Variants in GNAI1 observed in about 807,000 individuals in gnomAD.
The protein encoded by GNAI1 is guanine nucleotide-binding protein G(i) subunit alpha-1.
In GNAI1, 11 loss-of-function variants were observed where a neutral mutation model predicts 38.9. That is an observed-to-expected ratio of 0.28 (90% confidence interval 0.18 to 0.47). The LOEUF is 0.47. Ranked by LOEUF, GNAI1 falls within the 20% of genes least tolerant of loss-of-function variation. The probability of loss-of-function intolerance (pLI) is 0.99; values close to 1 mark genes in which losing one functional copy is unlikely to be tolerated. For synonymous variants in GNAI1, 166 were observed against 145.1 expected (o/e 1.14, Z -1.04); for missense variants, 317 against 436.9 (o/e 0.73, Z 2.45).
At chr7:80,173,670 A>T (rs960858385) in intron 1 of GNAI1, among the ~76,000 whole-genome samples, 1 of 152,110 alleles carries the variant, frequency 6.6e-6, no homozygotes, top group African/African-American at 2.4e-5. Flanking sequence ...CATAGATGTG[A>T]TGTTCTGTGC....
intron 7 of GNAI1, 59 bp from the exon 8 acceptor site, chr7:80,217,244 T>TTTCATATGTATGAAAATGA: frequency 2.7e-6 from 3 of 1,093,794 alleles, no homozygotes; most frequent in Non-Finnish European, 3.9e-6. Context: ...CTGAATTCAG[T>TTTCATATGTATGAAAATGA]ATTTTAAGCA....
At chr7:80,143,624 G>C (rs1177455534) in intron 1 of GNAI1, among the ~76,000 whole-genome samples, 2 of 152,066 alleles carry the variant, frequency 1.3e-5, no homozygotes, top group Non-Finnish European at 2.9e-5. Flanking sequence ...GGTGGTAAAA[G>C]TTTTCCCATG....
intron 1 of GNAI1, among the ~76,000 whole-genome samples, chr7:80,162,664 C>T (rs1263589400): frequency 1.3e-5 from 2 of 152,118 alleles, no homozygotes; most frequent in African/African-American, 2.4e-5. Flanking sequence ...AGAAACCCTC[C>T]TTGGGTTGAA....
chr7:80,144,810 T>C (rs1374541530), intron 1 of GNAI1, among the ~76,000 whole-genome samples: 1 of 152,242 alleles, frequency 6.6e-6, no homozygotes, highest in Non-Finnish European at 1.5e-5. Context: ...TTCCAAGAAT[T>C]ACATTTATTT....
At chr7:80,200,779 C>G (rs183270451) in intron 4 of GNAI1, among the ~76,000 whole-genome samples, 1 of 144,252 alleles carries the variant, frequency 6.9e-6, no homozygotes, top group Non-Finnish European at 1.5e-5. Context: ...CTTGTATTAA[C>G]CATATGTATT....
intron 1 of GNAI1, among the ~76,000 whole-genome samples, chr7:80,175,695 A>T (rs1480974769): frequency 6.6e-6 from 1 of 151,856 alleles, no homozygotes; most frequent in Admixed American, 6.6e-5. Context: ...TTCAGATGTG[A>T]TCTGGGATCA....
rs915974862 is a variant in GNAI1, at chr7:80,223,039, T to C, written c.*5546T>C. On this transcript the variant is annotated 3_prime_UTR_variant, in exon 8 of 8. Coordinates refer to ENST00000649796, the MANE Select transcript of GNAI1 (RefSeq NM_002069.6). ...CATGTAATTTTCTTGGATACTGTAC[T>C]GAAAATGAAAAACAGATTGATTGCA... is the stretch of plus-strand genomic sequence containing the variant. Among the ~76,000 whole-genome samples the C allele has an allele frequency of 6.6e-6, 1 of 152,222 alleles. No homozygotes were observed. Among genetic ancestry groups the C allele is most frequent in the African/African-American group, 2.4e-5 (1 of 41,466 alleles).
intron 1 of GNAI1, among the ~76,000 whole-genome samples, chr7:80,142,641 G>A (rs557479265): frequency 6.6e-6 from 1 of 152,222 alleles, no homozygotes; most frequent in South Asian, 2.1e-4. Flanking sequence ...ATAAATTGTT[G>A]AACATTAATT....
Position 80,152,215 on chromosome 7 carries a change from C to A in GNAI1, c.118+16937C>A, listed in dbSNP as rs189605270. 9.9e-5 allele frequency among the ~76,000 whole-genome samples: 15 copies of A among 152,268 alleles called. No homozygotes were observed. In the East Asian group the frequency reaches 2.7e-3, roughly 27 times the overall value. ...TCTCCTTCTATACTGCCTCTCAGTC[C>A]TCTGTTATGCTTCTTTCCTTATGTT... On this transcript the variant is annotated intron_variant, in intron 1 of 7. Transcript: ENST00000649796.
intron 1 of GNAI1, among the ~76,000 whole-genome samples, chr7:80,141,706 T>C (rs187069893): frequency 7.9e-5 from 12 of 152,280 alleles, no homozygotes; most frequent in African/African-American, 2.9e-4. Flanking sequence ...TTCATATTCT[T>C]TTACTTCACC....
rs528727343 is a variant in GNAI1, at chr7:80,225,587, T to G, written c.*8094T>G. ...GCTTCTGAACTTATTTTGGAAAGAG[T>G]AGCTCCCTGGAGTGTGGAGGAGGAC... On this transcript the variant is annotated 3_prime_UTR_variant, in exon 8 of 8. Transcript: ENST00000649796. Among the ~76,000 whole-genome samples, 2 of 152,144 alleles carry G rather than the reference T, an allele frequency of 1.3e-5. No individual in the cohort carries two copies. Among genetic ancestry groups the G allele is most frequent in the Admixed American group, 1.3e-4 (2 of 15,282 alleles).
intron 1 of GNAI1, chr7:80,136,100 A>G (rs1461968577): frequency 2.6e-5 from 24 of 936,948 alleles, no homozygotes; most frequent in Non-Finnish European, 2.9e-5. Context: ...ATTTGTTCTT[A>G]GCACTGTTCT....
intron 1 of GNAI1, among the ~76,000 whole-genome samples, chr7:80,184,701 T>C (rs1788360076): frequency 6.6e-6 from 1 of 152,162 alleles, no homozygotes; most frequent in Non-Finnish European, 1.5e-5. Flanking sequence ...TAGAGAAACA[T>C]TTAACAACCT....
Position 80,189,169 on chromosome 7 carries a change from A to G in GNAI1, c.241A>G (p.Ile81Val), listed in dbSNP as rs1487731728. 3.1e-6 allele frequency: 5 copies of G among 1,606,810 alleles called. No homozygotes were observed. The highest frequency in any genetic ancestry group is 2.2e-5 in the East Asian group (1 of 44,826). ...GGTCTACAGTAACACCATCCAGTCAATTATTGCTATCATTAGGGCTATGGG... is the reference window on the plus strand; with the variant it reads ...GGTCTACAGTAACACCATCCAGTCAGTTATTGCTATCATTAGGGCTATGGG... ...AVVYSNTIQS[I>V]IAIIRAMGRL... Residue 81 changes from isoleucine (I) to valine (V), a missense_variant, in exon 3 of 8, where the codon ATT (isoleucine) becomes GTT (valine). Physicochemically the swap from Ile to Val is conservative, Grantham distance 29. This residue lies in a region of GNAI1 where 67 missense variants were observed against 61.5 expected (regional missense o/e 1.09). Coordinates refer to ENST00000649796, the MANE Select transcript of GNAI1 (RefSeq NM_002069.6).
intron 4 of GNAI1, among the ~76,000 whole-genome samples, chr7:80,200,134 A>T (rs540148821): frequency 6.6e-6 from 1 of 151,618 alleles, no homozygotes; most frequent in South Asian, 2.1e-4. Context: ...TGGGTAACTT[A>T]ACGAGACCTC....
At chr7:80,186,216 A>G (rs1250910939) in intron 1 of GNAI1, among the ~76,000 whole-genome samples, 2 of 151,972 alleles carry the variant, frequency 1.3e-5, no homozygotes, top group African/African-American at 4.8e-5. Flanking sequence ...TATTTTTAGT[A>G]GAGACAGGAT....
chr7:80,177,686 C>G (rs1788213243), intron 1 of GNAI1, among the ~76,000 whole-genome samples: 1 of 152,102 alleles, frequency 6.6e-6, no homozygotes, highest in South Asian at 2.1e-4. Flanking sequence ...GTAATGTTGT[C>G]CAGATTGGTC....
At chr7:80,137,344 G>A (rs145296277) in intron 1 of GNAI1, among the ~76,000 whole-genome samples, 1,097 of 73,768 alleles carry the variant, frequency 0.015, 27 homozygotes, top group African/African-American at 0.06. Flanking sequence ...TTTTTGAGAC[G>A]GAGTCTTGCG....
At chr7:80,146,699 A>G (rs1246558122) in intron 1 of GNAI1, among the ~76,000 whole-genome samples, 1 of 152,170 alleles carries the variant, frequency 6.6e-6, no homozygotes, top group African/African-American at 2.4e-5. Context: ...AGTCCAGTCC[A>G]TCTCAGAGTC....
Sources: gnomAD v4.1 joint callset for allele counts (sites outside exome capture counted in the v4.1 genomes callset) on GRCh38, gnomAD v4.1.1 for gene constraint, gnomAD v4.1.1 regional missense constraint, MANE v1.5 for transcripts, NCBI Gene and HGNC (gene_info 2026-07-23, HGNC 2026-07-21) for gene names.